Variants in ITGB5 observed in about 807,000 individuals in gnomAD.
The protein encoded by ITGB5 is integrin beta-5.
Under a neutral mutation model 84.8 loss-of-function variants are expected in ITGB5, and 38 were observed. The observed-to-expected ratio is 0.45, with a 90% CI of 0.35 to 0.59. The LOEUF is 0.59. Ranked by LOEUF, ITGB5 falls within the 20% of genes least tolerant of loss-of-function variation. The probability of loss-of-function intolerance (pLI) is 0.01; values close to 1 mark genes in which losing one functional copy is unlikely to be tolerated. For missense variants in ITGB5, 905 were observed against 1,034.5 expected, an observed-to-expected ratio of 0.87 and a Z score of 1.72; for synonymous variants, 393 against 414.4, an observed-to-expected ratio of 0.95 and a Z score of 0.63.
At chr3:124,795,862 G>A (rs2064214662) in intron 10 of ITGB5, among the ~76,000 whole-genome samples, 1 of 152,242 alleles carries the variant, frequency 6.6e-6, no homozygotes, top group Non-Finnish European at 1.5e-5. Flanking sequence ...TAGGAGGTAT[G>A]CAGCCCTGCT....
In ITGB5 at chr3:124,773,960, G is replaced by A. The variant is rs755471153; in HGVS notation, c.1694-48C>T. On this transcript the variant is annotated intron_variant, in intron 10 of 14. Transcript: ENST00000296181. The stretch of plus-strand genomic sequence containing the variant: ...TCAGCACCTGCTCACCTTTACACAT[G>A]AGCACATAACCATCTGGTGCCCCAC... 5 of 1,543,176 alleles carry A rather than the reference G, an allele frequency of 3.2e-6. No individual in the cohort carries two copies. In the East Asian group the frequency reaches 6.8e-5, roughly 21 times the overall value.
chr3:124,781,365 C>G (rs1194935884), intron 10 of ITGB5: 1 of 152,480 alleles, frequency 6.6e-6, no homozygotes, highest in East Asian at 1.9e-4. Flanking sequence ...TCCTCCCATG[C>G]CCTCGTGTGT....
chr3:124,799,251 A>G (rs2064279650), intron 9 of ITGB5, among the ~76,000 whole-genome samples: 1 of 152,220 alleles, frequency 6.6e-6, no homozygotes, highest in African/African-American at 2.4e-5. Context: ...GAAATTGGTT[A>G]AAGGATAACA....
intron 10 of ITGB5, among the ~76,000 whole-genome samples, chr3:124,785,972 A>G (rs2064076893): frequency 6.6e-6 from 1 of 152,230 alleles, no homozygotes; most frequent in Non-Finnish European, 1.5e-5. Flanking sequence ...TTTACCTGCA[A>G]AAGGCAGTGC....
At chr3:124,832,422 C>T (rs905541931) in intron 5 of ITGB5, among the ~76,000 whole-genome samples, 2 of 152,190 alleles carry the variant, frequency 1.3e-5, no homozygotes, top group African/African-American at 4.8e-5. Context: ...GATAGTAAAG[C>T]CACCTTCAAA....
At chr3:124,855,461 A>G (rs932173570) in intron 3 of ITGB5, among the ~76,000 whole-genome samples, 4 of 152,152 alleles carry the variant, frequency 2.6e-5, no homozygotes, top group African/African-American at 9.7e-5. Context: ...CTCCCCACAA[A>G]TTCTTCAGGT....
At chr3:124,820,012 G>A (rs929098107) in intron 6 of ITGB5, among the ~76,000 whole-genome samples, 178 bp from the exon 7 acceptor site, 3 of 152,158 alleles carry the variant, frequency 2.0e-5, no homozygotes, top group Non-Finnish European at 4.4e-5. Flanking sequence ...AAGGAACTGA[G>A]TAGAGGAGAC....
At chr3:124,794,928 C>T (rs1454927515) in intron 10 of ITGB5, among the ~76,000 whole-genome samples, 1 of 152,118 alleles carries the variant, frequency 6.6e-6, no homozygotes, top group Non-Finnish European at 1.5e-5. Context: ...ATGTCCAAAT[C>T]ACAGGAAACG....
intron 3 of ITGB5, among the ~76,000 whole-genome samples, chr3:124,852,612 T>G (rs1444671494): frequency 6.6e-6 from 1 of 152,110 alleles, no homozygotes; most frequent in Non-Finnish European, 1.5e-5. Context: ...TAATAAAAAG[T>G]GAAAAGTTGG....
chr3:124,888,434 A>T (rs9682948), upstream of ITGB5, among the ~76,000 whole-genome samples: 5,547 of 152,266 alleles, frequency 0.036, 328 homozygotes, highest in African/African-American at 0.12. Flanking sequence ...TGGTGCAGGA[A>T]AGGATGCCTT....
intron 8 of ITGB5, among the ~76,000 whole-genome samples, chr3:124,813,510 G>C (rs895212901): frequency 6.6e-6 from 1 of 152,112 alleles, no homozygotes; most frequent in African/African-American, 2.4e-5. Context: ...CAACTGATCG[G>C]CTATAAATTC....
At chr3:124,829,169 T>C (rs1579262050) in intron 5 of ITGB5, among the ~76,000 whole-genome samples, 2 of 152,378 alleles carry the variant, frequency 1.3e-5, no homozygotes, top group Admixed American at 1.3e-4. Flanking sequence ...ATTTCCTTTC[T>C]GCTTATCTAC....
chr3:124,867,892 C>T (rs1378333349), intron 2 of ITGB5, among the ~76,000 whole-genome samples: 1 of 152,192 alleles, frequency 6.6e-6, no homozygotes, highest in African/African-American at 2.4e-5. Flanking sequence ...TTTGTGTTCC[C>T]ACCCAAATCT....
chr3:124,817,572 G>A (rs370669594), intron 8 of ITGB5, 49 bp downstream of exon 8: 3 of 1,027,012 alleles, frequency 2.9e-6, no homozygotes, highest in Non-Finnish European at 4.4e-6. Flanking sequence ...GGCCTCAGTG[G>A]GAGAGGGTGG....
In ITGB5 at chr3:124,766,344, C is replaced by A; in HGVS notation, c.2019G>T (p.Val673=). The part of the protein sequence containing the change: ...DEVITWVDTI[V]KDDQEAVLCF... Reference sequence around the variant, plus strand: ...ATAGCACAGCCTCCTGGTCATCTTTCACTGGAAGAAAACCAAGCGGGAATG... The same window carrying A: ...ATAGCACAGCCTCCTGGTCATCTTTAACTGGAAGAAAACCAAGCGGGAATG... Residue 673 remains valine, a splice_region_variant and synonymous_variant, in exon 13 of 15, where the codon GTG becomes GTT. Transcript: ENST00000296181. The A allele has an allele frequency of 6.2e-7, 1 of 1,613,914 alleles. No individual in the cohort carries two copies. Among genetic ancestry groups the A allele is most frequent in the Non-Finnish European group, 8.5e-7 (1 of 1,179,904 alleles).
chr3:124,861,616 C>G (rs184155511), intron 2 of ITGB5, among the ~76,000 whole-genome samples: 8 of 144,710 alleles, frequency 5.5e-5, no homozygotes, highest in South Asian at 2.2e-4. Context: ...GACTGGAGTA[C>G]AGTGGCGCAA....
chr3:124,799,556 T>C lies in ITGB5; in HGVS notation c.1264-2739A>G, dbSNP rs536610668. ...GCCTGGACGACAGAGTGAGATCTTG[T>C]CTCAAAAAGAAAAAAAAAGCAAAAC... On this transcript the variant is annotated intron_variant, in intron 9 of 14. Transcript: ENST00000296181. Among the ~76,000 whole-genome samples, 15 of 152,120 alleles carry C rather than the reference T, an allele frequency of 9.9e-5. No homozygotes were observed. In the South Asian group the frequency reaches 3.1e-3, roughly 32 times the overall value.
intron 2 of ITGB5, among the ~76,000 whole-genome samples, chr3:124,863,999 A>C (rs1016048575): frequency 6.7e-6 from 1 of 150,128 alleles, no homozygotes; most frequent in Non-Finnish European, 1.5e-5. Flanking sequence ...AAAAAAAGAA[A>C]GAGAGAGAGA....
At chr3:124,882,504 C>T (rs1024810341) in intron 1 of ITGB5, among the ~76,000 whole-genome samples, 3 of 152,104 alleles carry the variant, frequency 2.0e-5, no homozygotes, top group South Asian at 2.1e-4. Context: ...AGAAGGGCTG[C>T]CATGGGAGCA....
Sources: allele counts gnomAD v4.1 joint callset (sites outside exome capture counted in the v4.1 genomes callset), GRCh38; gene constraint gnomAD v4.1.1; transcripts MANE v1.5; gene names NCBI Gene and HGNC (gene_info 2026-07-23, HGNC 2026-07-21).